The following FGF12 variants were observed in gnomAD, a reference collection of about 807,000 sequenced individuals.
FGF12 encodes the protein fibroblast growth factor 12, also known as fibroblast growth factor 12B.
Under a neutral mutation model 23.6 loss-of-function variants are expected in FGF12, and 14 were observed. The ratio of observed to expected loss-of-function variants is 0.59; its 90% CI spans 0.39 to 0.93. The LOEUF is 0.93. Ranked by LOEUF, FGF12 falls within the 40% of genes least tolerant of loss-of-function variation. The pLI, the probability that FGF12 is intolerant of heterozygous loss-of-function variation, is 0.00. For missense variants in FGF12, 175 were observed against 217.8 expected, an observed-to-expected ratio of 0.80 and a Z score of 1.24; for synonymous variants, 62 against 77.3, an observed-to-expected ratio of 0.80 and a Z score of 1.04.
intron 2 of FGF12, among the ~76,000 whole-genome samples, chr3:192,433,378 T>G (rs1035586965): frequency 6.6e-6 from 1 of 152,176 alleles, no homozygotes; most frequent in Non-Finnish European, 1.5e-5. Context: ...GAAACTCTCC[T>G]TAAAGAAAAT....
chr3:192,158,772 C>T (rs1307796918), intron 5 of FGF12, among the ~76,000 whole-genome samples: 1 of 144,728 alleles, frequency 6.9e-6, no homozygotes, highest in Non-Finnish European at 1.5e-5. Flanking sequence ...AACTGTCTGA[C>T]TTTGCATTTC....
chr3:192,643,600 T>G (rs1444846635), intron 2 of FGF12, among the ~76,000 whole-genome samples: 1 of 152,210 alleles, frequency 6.6e-6, no homozygotes, highest in Non-Finnish European at 1.5e-5. Context: ...CTTTTAATTT[T>G]CATATTCTGA....
chr3:192,248,024 G>A (rs1350708187), intron 4 of FGF12, among the ~76,000 whole-genome samples: 1 of 152,164 alleles, frequency 6.6e-6, no homozygotes, highest in Non-Finnish European at 1.5e-5. Context: ...TCAGCCATGA[G>A]AGTTCTAAAG....
rs576702692 is a variant in FGF12 at position 192,219,532 on chromosome 3, C to G, written c.229-48876G>C. ...TTGAACCCAGGTATTGGTATGCTTCCTTTAAGCTCCTCAGATGATTCTCAT... is the reference window on the plus strand; with the variant it reads ...TTGAACCCAGGTATTGGTATGCTTCGTTTAAGCTCCTCAGATGATTCTCAT... On this transcript the variant is annotated intron_variant, in intron 4 of 5. Coordinates refer to ENST00000445105, the MANE Select transcript of FGF12 (RefSeq NM_004113.6). 3.9e-5 allele frequency among the ~76,000 whole-genome samples: 6 copies of G among 152,280 alleles called. No homozygotes were observed. In the East Asian group the frequency reaches 1.2e-3, roughly 29 times the overall value.
chr3:192,653,801 G>A (rs1164021507), intron 2 of FGF12, among the ~76,000 whole-genome samples: 3 of 146,622 alleles, frequency 2.0e-5, no homozygotes, highest in Admixed American at 1.4e-4. Flanking sequence ...TGCAACCTCC[G>A]CCTCCCCAGT....
intron 2 of FGF12, among the ~76,000 whole-genome samples, chr3:192,367,188 C>T (rs1719022196): frequency 6.6e-6 from 1 of 152,128 alleles, no homozygotes. Context: ...TTTCCTTAGT[C>T]GGTGCTTAAG....
intron 2 of FGF12, among the ~76,000 whole-genome samples, chr3:192,606,001 A>T (rs1464888322): frequency 6.6e-6 from 1 of 152,240 alleles, no homozygotes; most frequent in Admixed American, 6.5e-5. Context: ...CATTCAACCC[A>T]GCAATCCCCA....
At chr3:192,572,107 T>C (rs1450608723) in intron 2 of FGF12, among the ~76,000 whole-genome samples, 1 of 152,202 alleles carries the variant, frequency 6.6e-6, no homozygotes, top group African/African-American at 2.4e-5. Context: ...AACCTTCTCA[T>C]AGTAATCCAG....
chr3:192,382,343 T>C (rs1719853325), intron 2 of FGF12, among the ~76,000 whole-genome samples: 1 of 151,868 alleles, frequency 6.6e-6, no homozygotes, highest in African/African-American at 2.4e-5. Flanking sequence ...TGCTATGCTA[T>C]AGTCCATCTA....
At chr3:192,500,255 G>A (rs1724094771) in intron 2 of FGF12, among the ~76,000 whole-genome samples, 1 of 152,166 alleles carries the variant, frequency 6.6e-6, no homozygotes, top group Non-Finnish European at 1.5e-5. Flanking sequence ...CACCTGGAAG[G>A]ATTTACTTGA....
chr3:192,416,567 T>C (rs1721359930), intron 2 of FGF12, among the ~76,000 whole-genome samples: 1 of 152,266 alleles, frequency 6.6e-6, no homozygotes, highest in Middle Eastern at 3.4e-3. Context: ...AAATACAGCA[T>C]ATTTCATTTA....
intron 2 of FGF12, among the ~76,000 whole-genome samples, chr3:192,519,929 A>G (rs1380476046): frequency 1.3e-5 from 2 of 152,134 alleles, no homozygotes; most frequent in Non-Finnish European, 2.9e-5. Flanking sequence ...ACATACCCCA[A>G]TTGTTTTTTA....
At chr3:192,184,826 C>A (rs1168662331) in intron 4 of FGF12, among the ~76,000 whole-genome samples, 2 of 152,186 alleles carry the variant, frequency 1.3e-5, no homozygotes, top group African/African-American at 2.4e-5. Context: ...TTCCCATTTA[C>A]AGTGTTGGAT....
At chr3:192,509,956 T>G (rs1382826650) in intron 2 of FGF12, among the ~76,000 whole-genome samples, 2 of 152,206 alleles carry the variant, frequency 1.3e-5, no homozygotes, top group Non-Finnish European at 2.9e-5. Flanking sequence ...AAATTGAAGT[T>G]ACTCACAAAA....
chr3:192,254,044 A>C (rs1374572373), intron 4 of FGF12, among the ~76,000 whole-genome samples: 2 of 151,916 alleles, frequency 1.3e-5, no homozygotes, highest in Non-Finnish European at 2.9e-5. Context: ...AGAACACTTA[A>C]ATCCACTCTC....
intron 2 of FGF12, among the ~76,000 whole-genome samples, chr3:192,652,357 C>T (rs912614024): frequency 3.3e-5 from 5 of 152,132 alleles, no homozygotes; most frequent in African/African-American, 1.2e-4. Context: ...GGAATGACAG[C>T]CCGGATGGAT....
chr3:192,392,591 C>CGAGAGAGA (rs67784749), intron 2 of FGF12, among the ~76,000 whole-genome samples: 11 of 41,866 alleles, frequency 2.6e-4, no homozygotes, highest in African/African-American at 1.2e-3. Flanking sequence ...AGTGAAACTC[C>CGAGAGAGA]GAGAGAGAGA....
At chr3:192,513,450 C>A (rs764651626) in intron 2 of FGF12, among the ~76,000 whole-genome samples, 1 of 151,906 alleles carries the variant, frequency 6.6e-6, no homozygotes, top group Non-Finnish European at 1.5e-5. Context: ...CTATTTAATT[C>A]TAATTAGGTC....
intron 2 of FGF12, among the ~76,000 whole-genome samples, chr3:192,570,655 T>C (rs995569607): frequency 8.5e-5 from 13 of 152,120 alleles, no homozygotes; most frequent in African/African-American, 2.9e-4. Context: ...TAGCACCATA[T>C]TGTCTACAGC....
Sources: gnomAD v4.1 joint callset for allele counts (sites outside exome capture counted in the v4.1 genomes callset) on GRCh38, gnomAD v4.1.1 for gene constraint, MANE v1.5 for transcripts, NCBI Gene and HGNC (gene_info 2026-07-23, HGNC 2026-07-21) for gene names.